Variants in CCND3 observed in about 807,000 individuals in gnomAD.
The protein encoded by CCND3 is cyclin D3.
Under a neutral mutation model 28.7 loss-of-function variants are expected in CCND3, and 9 were observed. The ratio of observed to expected loss-of-function variants is 0.31; its 90% CI spans 0.19 to 0.55. The LOEUF is 0.55. Among genes scored for constraint, CCND3 ranks in the 20% least tolerant of loss-of-function variants. CCND3 has a pLI of 0.93. For synonymous variants in CCND3, 164 were observed against 163.9 expected (o/e 1.00, Z 0.00); for missense variants, 315 against 385.8 (o/e 0.82, Z 1.54).
At chr6:42,018,986 C>T (rs1763616596) in intron 1 of CCND3, among the ~76,000 whole-genome samples, 1 of 151,780 alleles carries the variant, frequency 6.6e-6, no homozygotes, top group Non-Finnish European at 1.5e-5. Flanking sequence ...GTTTTCAACT[C>T]ATTTTGATTA....
At chr6:42,018,908 AAAG>A (rs1561989817) in intron 1 of CCND3, among the ~76,000 whole-genome samples, 1 of 148,252 alleles carries the variant, frequency 6.7e-6, no homozygotes, top group African/African-American at 2.5e-5. Context: ...AAAAAAAAAA[AAAG>A]AAGAAAAAGA....
At chr6:41,977,054 G>A (rs909425360) in intron 1 of CCND3, among the ~76,000 whole-genome samples, 8 of 152,162 alleles carry the variant, frequency 5.3e-5, no homozygotes, top group Admixed American at 3.3e-4. Flanking sequence ...AAAAGCTCGC[G>A]TTTGTTGAAT....
chr6:42,049,267 C>G (rs1328151155), upstream of CCND3, among the ~76,000 whole-genome samples: 1 of 152,156 alleles, frequency 6.6e-6, no homozygotes, highest in African/African-American at 2.4e-5. Flanking sequence ...GAACTCCTGA[C>G]CTGAGGTGAT....
chr6:41,960,324 A>G (rs1761685702), intron 1 of CCND3, among the ~76,000 whole-genome samples: 1 of 152,256 alleles, frequency 6.6e-6, no homozygotes, highest in Non-Finnish European at 1.5e-5. Context: ...GGTAGTAGCT[A>G]CATAGCTCTG....
upstream of CCND3, among the ~76,000 whole-genome samples, chr6:41,944,159 C>T (rs915302781): frequency 6.6e-6 from 1 of 151,654 alleles, no homozygotes; most frequent in Non-Finnish European, 1.5e-5. Context: ...AGCAAGACTC[C>T]TATCTCTACA....
intron 1 of CCND3, among the ~76,000 whole-genome samples, chr6:41,977,117 A>G (rs533694118): frequency 7.9e-5 from 12 of 152,320 alleles, no homozygotes; most frequent in African/African-American, 2.9e-4. Context: ...TCTCAGGGTC[A>G]GAAAGGGGTC....
chr6:42,032,718 T>C (rs80031019), intron 1 of CCND3, among the ~76,000 whole-genome samples: 3,588 of 152,268 alleles, frequency 0.024, 155 homozygotes, highest in African/African-American at 0.081. Flanking sequence ...GGGAGTTCCG[T>C]TTCCCCTATT....
At chr6:42,022,257 C>T (rs1331289382) in intron 1 of CCND3, among the ~76,000 whole-genome samples, 1 of 152,124 alleles carries the variant, frequency 6.6e-6, no homozygotes, top group African/African-American at 2.4e-5. Context: ...CTCACTTTCT[C>T]CTATAATGTC....
At chr6:42,003,549 A>G (rs1354257040) in intron 1 of CCND3, among the ~76,000 whole-genome samples, 1 of 110,830 alleles carries the variant, frequency 9.0e-6, no homozygotes, top group Non-Finnish European at 2.1e-5. Context: ...AAAAAAAAAA[A>G]AAAAAAAAAA....
At position 41,940,599 on chromosome 6, in the gene CCND3, C is replaced by T. The variant is rs1775968908; in HGVS notation, c.199-14G>A. The T allele has an allele frequency of 6.3e-7, 1 of 1,598,080 alleles. No homozygotes were observed. On this transcript the variant is annotated splice_polypyrimidine_tract_variant and intron_variant, in intron 1 of 4. Transcript: ENST00000372991. The stretch of plus-strand genomic sequence containing the variant: ...CTCCTCACATACCTGGGGGAGGGCG[C>T]ACAGTCACTGCTGGGTCTGGAGCGT...
upstream of CCND3, among the ~76,000 whole-genome samples, chr6:41,943,383 T>G (rs1776092337): frequency 6.7e-6 from 1 of 148,942 alleles, no homozygotes; most frequent in South Asian, 2.1e-4. Flanking sequence ...CAAACTGTTT[T>G]GTAAGCTTTT....
At chr6:41,958,769 A>C (rs1273508010) in intron 1 of CCND3, among the ~76,000 whole-genome samples, 1 of 152,160 alleles carries the variant, frequency 6.6e-6, no homozygotes, top group Non-Finnish European at 1.5e-5. Context: ...TCTTATTGGC[A>C]TATTTCTTAA....
chr6:41,987,420 T>A (rs1299237617), intron 1 of CCND3, among the ~76,000 whole-genome samples: 1 of 151,820 alleles, frequency 6.6e-6, no homozygotes, highest in Non-Finnish European at 1.5e-5. Context: ...TAACTTTAGA[T>A]CTTTGGTATA....
At position 42,048,173 on chromosome 6, in the gene CCND3, T is replaced by C; in HGVS notation, c.-46+328A>G. ...CTCACAGACTCCCCATCCACACTGG[T>C]CTGCCCTCCTACTGGCCTTCCACCC... On this transcript the variant is annotated intron_variant, in intron 1 of 4. Coordinates refer to the CCND3 transcript ENST00000372988. This position sits in a 1 kb window ranked among gnomAD's most constrained non-coding sequence, Gnocchi z 4.7. 4.5e-6 allele frequency: 1 copy of C among 220,202 alleles called. No individual in the cohort carries two copies. The highest frequency in any genetic ancestry group is 9.1e-6 in the Non-Finnish European group (1 of 109,562). The allele number at this position is 220,202 out of a possible 1,614,324, so 13.6% of individuals were successfully genotyped here.
intron 1 of CCND3, among the ~76,000 whole-genome samples, chr6:41,993,022 C>T (rs1257682621): frequency 6.6e-6 from 1 of 152,156 alleles, no homozygotes; most frequent in Non-Finnish European, 1.5e-5. Context: ...AATCCTCACA[C>T]CTAAGCCCCT....
chr6:41,986,143 A>G (rs1344538204), intron 1 of CCND3, among the ~76,000 whole-genome samples: 3 of 151,978 alleles, frequency 2.0e-5, no homozygotes, highest in Non-Finnish European at 1.5e-5. Flanking sequence ...CTATATGTCT[A>G]TTGTTATGCC....
intron 1 of CCND3, among the ~76,000 whole-genome samples, chr6:42,045,908 G>A (rs2127442948): frequency 6.6e-6 from 1 of 152,340 alleles, no homozygotes; most frequent in South Asian, 2.1e-4. Context: ...GGGGGCCAGG[G>A]CGTGCCAAGG....
intron 1 of CCND3, among the ~76,000 whole-genome samples, chr6:41,966,907 G>A (rs1761903064): frequency 6.6e-6 from 1 of 152,116 alleles, no homozygotes; most frequent in Non-Finnish European, 1.5e-5. Flanking sequence ...TAGAACAAAT[G>A]GAAAGAGAAG....
At chr6:41,970,348 A>C (rs1033558493) in intron 1 of CCND3, among the ~76,000 whole-genome samples, 3 of 152,146 alleles carry the variant, frequency 2.0e-5, no homozygotes, top group African/African-American at 7.2e-5. Context: ...AAAAATAAAA[A>C]TAAAATAAAA....
Sources: allele counts gnomAD v4.1 joint callset (sites outside exome capture counted in the v4.1 genomes callset), GRCh38; gene constraint gnomAD v4.1.1; non-coding constraint Gnocchi (gnomAD v3.1); transcripts MANE v1.5; gene names NCBI Gene and HGNC (gene_info 2026-07-23, HGNC 2026-07-21).